The following MARCHF11 variants were observed in gnomAD, a reference collection of about 807,000 sequenced individuals.
The protein encoded by MARCHF11 is membrane associated ring-CH-type finger 11, also known as E3 ubiquitin-protein ligase MARCHF11.
A neutral mutation model predicts 37.3 loss-of-function variants in MARCHF11; 29 were observed. That is an observed-to-expected ratio of 0.78 (90% CI 0.58 to 1.06). The LOEUF (loss-of-function observed/expected upper bound fraction) is 1.06. Ranked by LOEUF, MARCHF11 falls within the 50% of genes least tolerant of loss-of-function variation. The pLI, the probability that MARCHF11 is intolerant of heterozygous loss-of-function variation, is 0.00. For missense variants in MARCHF11, 482 were observed against 533.4 expected, an observed-to-expected ratio of 0.90 and a Z score of 0.95; for synonymous variants, 233 against 228.0, an observed-to-expected ratio of 1.02 and a Z score of -0.20.
intron 2 of MARCHF11, among the ~76,000 whole-genome samples, chr5:16,140,344 T>G (rs1279399700): frequency 6.6e-6 from 1 of 152,114 alleles, no homozygotes; most frequent in Non-Finnish European, 1.5e-5. Context: ...CACAGATTAT[T>G]CACAGACTAT....
chr5:16,121,884 C>T (rs1009551406), intron 2 of MARCHF11, among the ~76,000 whole-genome samples: 10 of 152,330 alleles, frequency 6.6e-5, no homozygotes, highest in Middle Eastern at 3.4e-3. Flanking sequence ...TCCATAATAA[C>T]AGTGCTAACA....
intron 2 of MARCHF11, among the ~76,000 whole-genome samples, chr5:16,117,784 C>T (rs1174514233): frequency 6.6e-6 from 1 of 152,192 alleles, no homozygotes; most frequent in Non-Finnish European, 1.5e-5. Context: ...AATTTACTCG[C>T]TTATCCTATA....
chr5:16,163,070 G>T (rs1738110302), intron 2 of MARCHF11, among the ~76,000 whole-genome samples: 1 of 151,942 alleles, frequency 6.6e-6, no homozygotes. Context: ...TCTTCTAAAA[G>T]ATGTGTAACA....
chr5:16,076,073 G>C (rs1313167319), intron 3 of MARCHF11, among the ~76,000 whole-genome samples: 2 of 152,166 alleles, frequency 1.3e-5, no homozygotes, highest in Non-Finnish European at 1.5e-5. Flanking sequence ...AAAATAGAGA[G>C]AGTAAAAAGG....
At chr5:16,102,512 G>C (rs1445377709) in intron 2 of MARCHF11, among the ~76,000 whole-genome samples, 1 of 152,164 alleles carries the variant, frequency 6.6e-6, no homozygotes, top group African/African-American at 2.4e-5. Context: ...GAAGAGAGAA[G>C]TGTCTGAATG....
At chr5:16,098,200 C>T (rs1736901730) in intron 2 of MARCHF11, among the ~76,000 whole-genome samples, 1 of 152,156 alleles carries the variant, frequency 6.6e-6, no homozygotes, top group Non-Finnish European at 1.5e-5. Flanking sequence ...CAGATGGGAT[C>T]ATACCTAATT....
chr5:16,099,791 G>A (rs573109529), intron 2 of MARCHF11, among the ~76,000 whole-genome samples: 161 of 152,212 alleles, frequency 1.1e-3, no homozygotes, highest in African/African-American at 3.6e-3. Flanking sequence ...TATTGGTAAC[G>A]CACATCCTTT....
At chr5:16,122,734 G>A (rs1332445457) in intron 2 of MARCHF11, among the ~76,000 whole-genome samples, 1 of 152,092 alleles carries the variant, frequency 6.6e-6, no homozygotes, top group African/African-American at 2.4e-5. Flanking sequence ...TTAAACCCCT[G>A]TGGTAGTAAA....
At chr5:16,099,553 T>A (rs181657716) in intron 2 of MARCHF11, among the ~76,000 whole-genome samples, 98 of 152,182 alleles carry the variant, frequency 6.4e-4, no homozygotes, top group African/African-American at 2.2e-3. Flanking sequence ...ACTTCAAAAG[T>A]TAAAATAGGA....
rs559028541 is a variant in MARCHF11, at chr5:16,077,506, C to T, written c.887-9713G>A. ...CTTTGTGACTAGTAATAAGCTATTT[C>T]ATTTTTGGTGGCTTCATTTTTCACT... On this transcript the variant is annotated intron_variant, in intron 3 of 3. Coordinates refer to ENST00000332432, the MANE Select transcript of MARCHF11 (RefSeq NM_001102562.3). Among the ~76,000 whole-genome samples, 9 of 152,252 alleles carry T rather than the reference C, an allele frequency of 5.9e-5. 1 individual carries two copies. In the South Asian group the frequency reaches 8.3e-4, roughly 14 times the overall value.
At chr5:16,124,767 C>T (rs1737374551) in intron 2 of MARCHF11, among the ~76,000 whole-genome samples, 1 of 141,884 alleles carries the variant, frequency 7.0e-6, no homozygotes, top group Non-Finnish European at 1.6e-5. Context: ...AATTCTTAGA[C>T]ATTCAGTCAC....
At chr5:16,165,049 G>A (rs1738146411) in intron 2 of MARCHF11, among the ~76,000 whole-genome samples, 1 of 151,982 alleles carries the variant, frequency 6.6e-6, no homozygotes, top group Non-Finnish European at 1.5e-5. Flanking sequence ...CAGCCACATG[G>A]TCTTTTTATT....
intron 2 of MARCHF11, among the ~76,000 whole-genome samples, chr5:16,142,450 AG>A (rs1737723467): frequency 6.6e-6 from 1 of 152,182 alleles, no homozygotes; most frequent in Non-Finnish European, 1.5e-5. Flanking sequence ...CCAAGTAGAC[AG>A]CTCGCAGGGT....
intron 3 of MARCHF11, among the ~76,000 whole-genome samples, chr5:16,079,356 A>C (rs747571371): frequency 1.3e-5 from 2 of 152,090 alleles, no homozygotes; most frequent in African/African-American, 2.4e-5. Context: ...TTCCCAATGC[A>C]CCACCTTCTT....
At chr5:16,114,491 GT>G (rs1560978802) in intron 2 of MARCHF11, among the ~76,000 whole-genome samples, 1 of 152,088 alleles carries the variant, frequency 6.6e-6, no homozygotes, top group African/African-American at 2.4e-5. Context: ...TGTCCTAAAT[GT>G]TTTTATCTTT....
At chr5:16,112,317 G>C (rs1737156347) in intron 2 of MARCHF11, among the ~76,000 whole-genome samples, 1 of 152,182 alleles carries the variant, frequency 6.6e-6, no homozygotes, top group Admixed American at 6.5e-5. Flanking sequence ...ACCCTGCAAA[G>C]CCACAGGGAA....
intron 2 of MARCHF11, among the ~76,000 whole-genome samples, chr5:16,095,021 G>C (rs1312900680): frequency 2.6e-5 from 4 of 151,820 alleles, no homozygotes; most frequent in African/African-American, 4.9e-5. Flanking sequence ...GTGAGGACTG[G>C]AGCTGAGGTA....
intron 2 of MARCHF11, among the ~76,000 whole-genome samples, chr5:16,130,014 T>C (rs896573707): frequency 8.5e-5 from 13 of 152,124 alleles, no homozygotes; most frequent in African/African-American, 3.1e-4. Flanking sequence ...CATTTCAAGA[T>C]AACATTTTCA....
chr5:16,075,914 AG>A (rs562961801), intron 3 of MARCHF11, among the ~76,000 whole-genome samples: 106 of 152,306 alleles, frequency 7.0e-4, no homozygotes, highest in Middle Eastern at 6.8e-3. Flanking sequence ...ATCTGTGTTC[AG>A]CCCCAGCAAA....
Sources: gnomAD v4.1 joint callset for allele counts (sites outside exome capture counted in the v4.1 genomes callset) on GRCh38, gnomAD v4.1.1 for gene constraint, MANE v1.5 for transcripts, NCBI Gene and HGNC (gene_info 2026-07-23, HGNC 2026-07-21) for gene names.